SLC25A36: variants seen among roughly 807,000 people sequenced by gnomAD.
SLC25A36 encodes epididymis secretory sperm binding protein.
Under a neutral mutation model 35.3 loss-of-function variants are expected in SLC25A36, and 24 were observed. That is an observed-to-expected ratio of 0.68 (90% CI 0.49 to 0.96). The LOEUF (loss-of-function observed/expected upper bound fraction) is 0.96, where lower values mean the gene tolerates loss of function less well. Among genes scored for constraint, SLC25A36 ranks in the 40% least tolerant of loss-of-function variants. SLC25A36 has a pLI of 0.00. For synonymous variants in SLC25A36, 141 were observed against 132.2 expected (o/e 1.07, Z -0.46); for missense variants, 294 against 381.1 (o/e 0.77, Z 1.90).
At chr3:140,964,795 A>G (rs2107804498) in intron 4 of SLC25A36, 1 of 152,020 alleles carries the variant, frequency 6.6e-6, no homozygotes, top group Non-Finnish European at 1.5e-5. Context: ...CAGTATAGCA[A>G]ATGCAGAGGT....
chr3:140,975,758 G>A (rs1490977993), intron 6 of SLC25A36, among the ~76,000 whole-genome samples: 1 of 152,174 alleles, frequency 6.6e-6, no homozygotes, highest in East Asian at 1.9e-4. Context: ...ATAGCTGGCA[G>A]CTAGTGTTTG....
At position 140,973,739 on chromosome 3, in the gene SLC25A36, G is replaced by C. The variant is rs1430043403; in HGVS notation, c.476G>C (p.Gly159Ala). 2.0e-6 allele frequency: 3 copies of C among 1,521,290 alleles called. 1 individual carries two copies. The highest frequency in any genetic ancestry group is 2.7e-5 in the South Asian group (2 of 72,928). 94.2% of individuals were successfully genotyped at this position (1,521,290 alleles called of 1,614,324 possible). The change falls in exon 6 of 7, where the codon GGT becomes GCT. Residue 159 changes from glycine to alanine, a missense_variant. Physicochemically the swap from Gly to Ala is moderately conservative, Grantham distance 60. This residue lies in a region of SLC25A36 where 185 missense variants were observed against 201.5 expected (regional missense o/e 0.92). Transcript: ENST00000324194. ...AGGAACCGCGGGGAAAGGCGAATGGGTGCTTTTGAATGTGTTCGTAAAGTG... is the reference window on the plus strand; with the variant it reads ...AGGAACCGCGGGGAAAGGCGAATGGCTGCTTTTGAATGTGTTCGTAAAGTG... ...DARNRGERRM[G>A]AFECVRKVYQ...
chr3:140,961,045 A>G (rs1228564225), intron 3 of SLC25A36, among the ~76,000 whole-genome samples: 4 of 152,244 alleles, frequency 2.6e-5, no homozygotes, highest in Non-Finnish European at 5.9e-5. Context: ...TATAAAGTTC[A>G]TATTTAGAGT....
At position 140,976,636 on chromosome 3, in the gene SLC25A36, G is replaced by GAAA. The variant is rs63101963; in HGVS notation, c.*195_*197dup. 2.7e-3 allele frequency: 719 copies of GAAA among 263,404 alleles called. No homozygotes were observed. The highest frequency in any genetic ancestry group is 3.4e-3 in the Non-Finnish European group (490 of 143,750). 16.3% of individuals were successfully genotyped at this position (263,404 alleles called of 1,614,324 possible). ...ACATTACTTGGCCTTTCGGTAATGTGAAAAAAAAAAAAAACCTCAGAGCCT... is the reference window on the plus strand; with the variant it reads ...ACATTACTTGGCCTTTCGGTAATGTGAAAAAAAAAAAAAAAAACCTCAGAGCCT... On this transcript the variant is annotated 3_prime_UTR_variant, in exon 7 of 7. Coordinates refer to ENST00000324194, the MANE Select transcript of SLC25A36 (RefSeq NM_001104647.3).
At chr3:140,968,956 AATC>A (rs1287399845) in intron 4 of SLC25A36, among the ~76,000 whole-genome samples, 1 of 151,842 alleles carries the variant, frequency 6.6e-6, no homozygotes, top group Non-Finnish European at 1.5e-5. Flanking sequence ...GATTAATAAA[AATC>A]ATTATAGTGA....
chr3:140,952,788 T>C (rs570272571), intron 1 of SLC25A36, among the ~76,000 whole-genome samples: 84 of 152,352 alleles, frequency 5.5e-4, no homozygotes, highest in African/African-American at 1.9e-3. Context: ...CTTTATGTGC[T>C]CATGTTGCTT....
At position 140,977,095 on chromosome 3, in the gene SLC25A36, A is replaced by G. The variant is rs1935068103; in HGVS notation, c.*642A>G. On this transcript the variant is annotated 3_prime_UTR_variant, in exon 7 of 7. Coordinates refer to ENST00000324194, the MANE Select transcript of SLC25A36 (RefSeq NM_001104647.3). ...GATATTTAAATTGTTAACATACCAAACACACATGGTAATAGTTTGGGACAA... is the reference window on the plus strand; with the variant it reads ...GATATTTAAATTGTTAACATACCAAGCACACATGGTAATAGTTTGGGACAA... 6.6e-6 allele frequency: 1 copy of G among 152,290 alleles called. No homozygotes were observed. The highest frequency in any genetic ancestry group is 6.5e-5 in the Admixed American group (1 of 15,282). The allele number at this position is 152,290 out of a possible 1,614,324, so 9.4% of individuals were successfully genotyped here.
At chr3:140,967,752 T>A (rs1031666776) in intron 4 of SLC25A36, among the ~76,000 whole-genome samples, 6 of 151,946 alleles carry the variant, frequency 3.9e-5, no homozygotes, top group South Asian at 4.1e-4. Flanking sequence ...GTAGCATTTT[T>A]AAAAATTTTT....
chr3:140,961,772 C>T (rs1401103493), intron 3 of SLC25A36, among the ~76,000 whole-genome samples: 2 of 137,650 alleles, frequency 1.5e-5, no homozygotes, highest in Non-Finnish European at 3.0e-5. Context: ...AGGAGAATGG[C>T]GTGAACCCGG....
rs1935094023 is a variant in SLC25A36 at position 140,977,994 on chromosome 3, G to A, written c.*1541G>A. The A allele has an allele frequency of 6.6e-6, 1 of 151,382 alleles. No individual in the cohort carries two copies. The highest frequency in any genetic ancestry group is 1.5e-5 in the Non-Finnish European group (1 of 67,868). The allele number at this position is 151,382 out of a possible 1,614,324, so 9.4% of individuals were successfully genotyped here. ...AAACAGTGTTCATAACATTTTTCTGGGTTTTAAATATGTTGTTTCGGATAT... is the reference window on the plus strand; with the variant it reads ...AAACAGTGTTCATAACATTTTTCTGAGTTTTAAATATGTTGTTTCGGATAT... On this transcript the variant is annotated 3_prime_UTR_variant, in exon 7 of 7. Transcript: ENST00000324194.
Position 140,976,389 on chromosome 3 carries a change from A to G in SLC25A36, c.872A>G (p.Gln291Arg). The G allele has an allele frequency of 6.2e-7, 1 of 1,613,910 alleles. No individual in the cohort carries two copies. Among genetic ancestry groups the G allele is most frequent in the Non-Finnish European group, 8.5e-7 (1 of 1,179,932 alleles). ...GGTCTGACAACTCATCTAGTGAGAC[A>G]GATTCCAAACACAGCCATTATGATG... Reference protein sequence around the residue: ...YRGLTTHLVRQIPNTAIMMAT... With the variant: ...YRGLTTHLVRRIPNTAIMMAT... The change falls in exon 7 of 7, where the codon CAG becomes CGG. Residue 291 changes from glutamine (Q) to arginine (R), a missense_variant. Around this residue, in one of 2 missense-constraint regions of SLC25A36, gnomAD observed 109 missense variants for 179.7 expected, o/e 0.61. Coordinates refer to ENST00000324194, the MANE Select transcript of SLC25A36 (RefSeq NM_001104647.3).
intron 6 of SLC25A36, 93 bp from the exon 7 acceptor site, chr3:140,976,167 A>T: frequency 1.2e-6 from 1 of 820,648 alleles, no homozygotes; most frequent in Non-Finnish European, 1.9e-6. Context: ...TCCTGAGCTT[A>T]CACTTACAGA....
intron 5 of SLC25A36, chr3:140,973,042 C>G (rs1306597044): frequency 2.0e-5 from 3 of 151,996 alleles, no homozygotes; most frequent in Non-Finnish European, 4.4e-5. Flanking sequence ...AGGTGCTGCC[C>G]CCTTAAGTAG....
At chr3:140,972,986 A>G (rs948012130) in intron 5 of SLC25A36, 13 of 152,218 alleles carry the variant, frequency 8.5e-5, no homozygotes, top group Non-Finnish European at 1.5e-5. Context: ...AAATATTGTT[A>G]AAACTCAAAA....
rs945861944 is a variant in SLC25A36 at position 140,954,245 on chromosome 3, G to C, written c.42-2282G>C. On this transcript the variant is annotated intron_variant, in intron 1 of 6. Transcript: ENST00000324194. ...ACCCAGGTGGTGGCTTTTTACTGCA[G>C]AATAGTATTCTATTATATAGTTGTA... 2.6e-5 allele frequency among the ~76,000 whole-genome samples: 4 copies of C among 152,206 alleles called. No individual in the cohort carries two copies. In the South Asian group the frequency reaches 6.2e-4, roughly 24 times the overall value.
intron 4 of SLC25A36, chr3:140,967,124 G>A (rs558226811): frequency 2.2e-6 from 1 of 447,524 alleles, no homozygotes; most frequent in African/African-American, 2.0e-5. Context: ...TAGAAGGCGG[G>A]AAATTAACTT....
At chr3:140,953,369 C>T (rs1934379079) in intron 1 of SLC25A36, among the ~76,000 whole-genome samples, 1 of 148,932 alleles carries the variant, frequency 6.7e-6, no homozygotes, top group African/African-American at 2.5e-5. Flanking sequence ...TGAAATCTGA[C>T]CGTATAATTG....
At chr3:140,955,457 T>C (rs780427152) in intron 1 of SLC25A36, among the ~76,000 whole-genome samples, 1 of 152,214 alleles carries the variant, frequency 6.6e-6, no homozygotes, top group African/African-American at 2.4e-5. Context: ...TTGGTAGTTA[T>C]TAATGTTTTA....
At chr3:140,966,402 C>G in intron 4 of SLC25A36, 1 of 291,196 alleles carries the variant, frequency 3.4e-6, no homozygotes, top group Non-Finnish European at 7.0e-6. Context: ...TATGGATGTG[C>G]AATATTACTG....
Sources: allele counts gnomAD v4.1 joint callset (sites outside exome capture counted in the v4.1 genomes callset), GRCh38; gene constraint gnomAD v4.1.1; regional missense constraint gnomAD v4.1.1; transcripts MANE v1.5; gene names NCBI Gene and HGNC (gene_info 2026-07-23, HGNC 2026-07-21).